The following CEP55 variants were observed in gnomAD, a reference collection of about 807,000 sequenced individuals.
The protein encoded by CEP55 is centrosomal protein of 55 kDa.
CEP55 carries 57 observed loss-of-function variants against 63.2 expected under a neutral mutation model. The observed-to-expected ratio is 0.90, with a 90% CI of 0.73 to 1.13. CEP55 has a LOEUF of 1.13. Ranked by LOEUF, CEP55 falls within the 50% of genes most tolerant of loss-of-function variation. The probability of loss-of-function intolerance (pLI) is 0.00; values close to 1 mark genes in which losing one functional copy is unlikely to be tolerated. For synonymous variants in CEP55, 178 were observed against 191.6 expected, an observed-to-expected ratio of 0.93 and a Z score of 0.59; for missense variants, 456 against 518.9, an observed-to-expected ratio of 0.88 and a Z score of 1.18.
In CEP55 at chr10:93,528,982, T is replaced by C. The variant is rs189688979; in HGVS notation, c.*829T>C. The C allele has an allele frequency of 6.6e-6, 1 of 152,378 alleles. No homozygotes were observed. The highest frequency in any genetic ancestry group is 2.4e-5 in the African/African-American group (1 of 41,602). The allele number at this position is 152,378 out of a possible 1,614,324, so 9.4% of individuals were successfully genotyped here. On this transcript the variant is annotated 3_prime_UTR_variant, in exon 9 of 9. Transcript: ENST00000371485. ...TCTTTGTTTGTCTGAACAGGTATTTTTATACATGCTTTTTGTAAACCAAAA... is the reference window on the plus strand; with the variant it reads ...TCTTTGTTTGTCTGAACAGGTATTTCTATACATGCTTTTTGTAAACCAAAA...
At chr10:93,512,924 C>T (rs2057767838) in intron 4 of CEP55, among the ~76,000 whole-genome samples, 1 of 152,112 alleles carries the variant, frequency 6.6e-6, no homozygotes, top group Non-Finnish European at 1.5e-5. Flanking sequence ...TTATTTTTCC[C>T]AATTTTTATT....
intron 4 of CEP55, among the ~76,000 whole-genome samples, chr10:93,513,517 C>T (rs1564765206): frequency 6.6e-6 from 1 of 152,182 alleles, no homozygotes. Flanking sequence ...ATGTCCTCTT[C>T]ATTGTGGAAC....
chr10:93,500,934 T>A (rs570388485), intron 2 of CEP55, among the ~76,000 whole-genome samples: 1 of 152,224 alleles, frequency 6.6e-6, no homozygotes, highest in South Asian at 2.1e-4. Context: ...CATTCCATGC[T>A]TTTTTGGAGT....
chr10:93,527,459 T>C (rs2057935741), intron 8 of CEP55, among the ~76,000 whole-genome samples: 2 of 152,208 alleles, frequency 1.3e-5, no homozygotes, highest in African/African-American at 2.4e-5. Context: ...AGTAGTTATC[T>C]GGATAAATTC....
At chr10:93,525,624 G>C (rs1326846253) in intron 8 of CEP55, among the ~76,000 whole-genome samples, 1 of 151,330 alleles carries the variant, frequency 6.6e-6, no homozygotes, top group Non-Finnish European at 1.5e-5. Context: ...AGCCCGCATC[G>C]CCAAGTCAAT....
At chr10:93,510,283 C>G (rs958528005) in intron 4 of CEP55, among the ~76,000 whole-genome samples, 11 of 152,056 alleles carry the variant, frequency 7.2e-5, no homozygotes, top group African/African-American at 2.7e-4. Context: ...ATTCAAATAT[C>G]CGAATTTTAA....
chr10:93,505,973 C>T (rs1401708346), intron 3 of CEP55, among the ~76,000 whole-genome samples: 2 of 151,152 alleles, frequency 1.3e-5, no homozygotes, highest in African/African-American at 4.9e-5. Context: ...CTCAGGTGAT[C>T]TGCCTGCCTC....
intron 2 of CEP55, among the ~76,000 whole-genome samples, chr10:93,502,811 T>C (rs2057647312): frequency 6.6e-6 from 1 of 152,240 alleles, no homozygotes; most frequent in African/African-American, 2.4e-5. Flanking sequence ...ATGGGAAAGC[T>C]AGCCCTTCTT....
At chr10:93,525,488 T>C (rs1476684268) in intron 8 of CEP55, among the ~76,000 whole-genome samples, 1 of 152,144 alleles carries the variant, frequency 6.6e-6, no homozygotes, top group Non-Finnish European at 1.5e-5. Flanking sequence ...GAAGAATCAC[T>C]ATTGTGAAAA....
rs776624289 is a variant in CEP55, at chr10:93,510,380, G to T, written c.528+3324G>T. ...AAATTAACAGAAAAGTTACAAGAAT[G>T]AGTATGATAACATATAATAACATAT... On this transcript the variant is annotated intron_variant, in intron 4 of 8. Transcript: ENST00000371485. Among the ~76,000 whole-genome samples, 194 of 152,170 alleles carry T rather than the reference G, an allele frequency of 1.3e-3. 4 individuals carry two copies. Among genetic ancestry groups the T allele is most frequent in the Non-Finnish European group, 3.5e-4 (24 of 68,026 alleles).
Position 93,515,421 on chromosome 10 carries a change from A to G in CEP55, c.545A>G (p.Gln182Arg). 6.3e-7 allele frequency: 1 copy of G among 1,597,308 alleles called. No individual in the cohort carries two copies. The highest frequency in any genetic ancestry group is 8.6e-7 in the Non-Finnish European group (1 of 1,168,108). ...IQLKDALEKN[Q>R]QWLVYDQQRE... is the part of the protein sequence containing the mutation. ...CCCATTAAGGCTCTGGAGAAAAATC[A>G]GCAGTGGCTCGTGTATGATCAGCAG... The change falls in exon 5 of 9, where the codon CAG becomes CGG. Residue 182 changes from glutamine (Q) to arginine (R), a missense_variant. By Grantham distance (43) the Gln-to-Arg change is conservative. Transcript: ENST00000371485.
chr10:93,521,087 CAG>C (rs2057856388), intron 8 of CEP55, among the ~76,000 whole-genome samples: 1 of 152,058 alleles, frequency 6.6e-6, no homozygotes, highest in Non-Finnish European at 1.5e-5. Flanking sequence ...GGGTTCATCT[CAG>C]TGGGGACTGT....
rs1016305946 is a variant in CEP55 at position 93,517,106 on chromosome 10, A to G, written c.851A>G (p.Tyr284Cys). 6.2e-7 allele frequency: 1 copy of G among 1,614,162 alleles called. No individual in the cohort carries two copies. The change falls in exon 6 of 9, where the codon TAT becomes TGT. Residue 284 changes from tyrosine to cysteine, a missense_variant. By Grantham distance (194) the Tyr-to-Cys change is radical. Transcript: ENST00000371485. ...GTTCACAATTTAAATCAGCTGTTGT[A>G]TTCACAAAGAAGGGCAGATGTGCAA... ...KEVHNLNQLL[Y>C]SQRRADVQHL... is the part of the protein sequence containing the mutation.
chr10:93,515,192 A>G (rs1165797866), intron 4 of CEP55, among the ~76,000 whole-genome samples: 1 of 152,218 alleles, frequency 6.6e-6, no homozygotes, highest in Non-Finnish European at 1.5e-5. Flanking sequence ...GTGTACTGAA[A>G]AAAGCAAACA....
intron 1 of CEP55, among the ~76,000 whole-genome samples, chr10:93,498,412 T>G (rs2057597162): frequency 6.6e-6 from 1 of 152,204 alleles, no homozygotes; most frequent in African/African-American, 2.4e-5. Flanking sequence ...AAGTCAACAG[T>G]GTGTTATCAA....
At chr10:93,504,835 GAC>G (rs1403156911) in intron 3 of CEP55, among the ~76,000 whole-genome samples, 1 of 152,020 alleles carries the variant, frequency 6.6e-6, no homozygotes, top group Non-Finnish European at 1.5e-5. Context: ...TATTTTTTGA[GAC>G]AGAGTCTCAT....
rs758176164 is a variant in CEP55 at position 93,519,778 on chromosome 10, A to G, written c.1162A>G (p.Arg388Gly). Residue 388 changes from arginine to glycine, a missense_variant, in exon 8 of 9, where the codon AGA becomes GGA. Transcript: ENST00000371485. Reference protein sequence around the residue: ...HVILKELRKARNQITQLESLK... With the variant: ...HVILKELRKAGNQITQLESLK... ...AATTCTTAAGGAGCTCCGAAAAGCA[A>G]GAAATCAAATAACACAGTTGGAATC... 5.0e-6 allele frequency: 8 copies of G among 1,614,170 alleles called. No individual in the cohort carries two copies. In the South Asian group the frequency reaches 8.8e-5, roughly 18 times the overall value.
chr10:93,512,589 A>G (rs1294358157), intron 4 of CEP55, among the ~76,000 whole-genome samples: 1 of 152,120 alleles, frequency 6.6e-6, no homozygotes, highest in African/African-American at 2.4e-5. Context: ...AATACTACTT[A>G]AATGTGGACA....
At chr10:93,505,358 C>T (rs533933499) in intron 3 of CEP55, among the ~76,000 whole-genome samples, 4 of 152,090 alleles carry the variant, frequency 2.6e-5, no homozygotes, top group African/African-American at 4.8e-5. Context: ...AGGGTAGGGT[C>T]CCCCACCAAG....
Sources: gnomAD v4.1 joint callset for allele counts (sites outside exome capture counted in the v4.1 genomes callset) on GRCh38, gnomAD v4.1.1 for gene constraint, MANE v1.5 for transcripts, NCBI Gene and HGNC (gene_info 2026-07-23, HGNC 2026-07-21) for gene names.